ITFG1: variants seen among roughly 807,000 people sequenced by gnomAD.
ITFG1 encodes integrin alpha FG-GAP repeat containing 1, also known as T-cell immunomodulatory protein.
Under a neutral mutation model 81.8 loss-of-function variants are expected in ITFG1, and 34 were observed. The observed-to-expected ratio is 0.42, with a 90% CI of 0.32 to 0.55. ITFG1 has a LOEUF of 0.55. Among genes scored for constraint, ITFG1 ranks in the 20% least tolerant of loss-of-function variants. The probability of loss-of-function intolerance (pLI) is 0.17; values close to 1 mark genes in which losing one functional copy is unlikely to be tolerated. For missense variants in ITFG1, 672 were observed against 755.4 expected, an observed-to-expected ratio of 0.89 and a Z score of 1.29; for synonymous variants, 285 against 270.6, an observed-to-expected ratio of 1.05 and a Z score of -0.52.
chr16:47,329,922 T>G (rs1967614409), intron 8 of ITFG1, among the ~76,000 whole-genome samples: 1 of 152,068 alleles, frequency 6.6e-6, no homozygotes, highest in Non-Finnish European at 1.5e-5. Flanking sequence ...AATAAGACAC[T>G]CAGAAGTGTC....
rs1297263711 is a variant in ITFG1 at position 47,311,321 on chromosome 16, A to G, written c.989T>C (p.Ile330Thr). Residue 330 changes from isoleucine to threonine, a missense_variant, in exon 10 of 18, where the codon ATT (isoleucine) becomes ACT (threonine). Physicochemically the swap from Ile to Thr is moderately conservative, Grantham distance 89 (BLOSUM62 -1). Transcript: ENST00000320640. ...VDEQQPTEIP[I>T]PITLHIGDYN... The stretch of plus-strand genomic sequence containing the variant: ...GTCTCCAATATGAAGGGTAATTGGA[A>G]TTGGTATTTCAGTTGGTTGCTGTTC... The G allele has an allele frequency of 6.2e-7, 1 of 1,613,210 alleles. No homozygotes were observed. Among genetic ancestry groups the G allele is most frequent in the Non-Finnish European group, 8.5e-7 (1 of 1,179,322 alleles).
intron 6 of ITFG1, among the ~76,000 whole-genome samples, chr16:47,413,350 C>CT (rs1968834421): frequency 6.6e-6 from 1 of 152,154 alleles, no homozygotes; most frequent in Admixed American, 6.5e-5. Flanking sequence ...TACAAGAGTT[C>CT]TTTAAGGGAG....
chr16:47,323,958 TA>T (rs1939310661), intron 8 of ITFG1, among the ~76,000 whole-genome samples: 1 of 152,226 alleles, frequency 6.6e-6, no homozygotes, highest in South Asian at 2.1e-4. Context: ...GCTATTGTTT[TA>T]TATGAAGTAT....
At chr16:47,158,604 C>G (rs1051313744) in intron 17 of ITFG1, among the ~76,000 whole-genome samples, 1 of 152,044 alleles carries the variant, frequency 6.6e-6, no homozygotes, top group East Asian at 1.9e-4. Flanking sequence ...CTTTTGATTT[C>G]CGGTTGATCA....
chr16:47,164,814 A>G (rs1284824498), intron 14 of ITFG1, among the ~76,000 whole-genome samples: 1 of 152,270 alleles, frequency 6.6e-6, no homozygotes, highest in Non-Finnish European at 1.5e-5. Context: ...ATGCAGCTCC[A>G]AGGAGGTCAG....
chr16:47,217,142 A>G (rs555946662), intron 14 of ITFG1, among the ~76,000 whole-genome samples: 160 of 11,406 alleles, frequency 0.014, no homozygotes, highest in Non-Finnish European at 0.029. Flanking sequence ...GTATCATTAT[A>G]TGAAAAAAAA....
In ITFG1 at chr16:47,202,381, G is replaced by A. The variant is rs1466072549; in HGVS notation, c.1453+16487C>T. The A allele has an allele frequency of 5.9e-5, 9 of 152,224 alleles. No homozygotes were observed. The East Asian group carries it at 1.7e-3, about 29-fold the overall frequency. 9.4% of individuals were successfully genotyped at this position (152,224 alleles called of 1,614,324 possible). ...CACAACCTTGATAAACTCAGGATTG[G>A]TTTTCAGATTAGAAAACTAAATATT... On this transcript the variant is annotated intron_variant, in intron 14 of 17. Transcript: ENST00000320640.
chr16:47,414,547 AAAAC>A (rs1370427387), intron 6 of ITFG1, among the ~76,000 whole-genome samples: 7 of 148,562 alleles, frequency 4.7e-5, no homozygotes, highest in African/African-American at 1.8e-4. Context: ...CAAAAAACAA[AAAAC>A]AAACAACAAC....
At chr16:47,334,827 T>C (rs904271368) in intron 8 of ITFG1, among the ~76,000 whole-genome samples, 1 of 152,160 alleles carries the variant, frequency 6.6e-6, no homozygotes, top group Non-Finnish European at 1.5e-5. Flanking sequence ...TATAGTGTTC[T>C]GAGATGAGAA....
intron 14 of ITFG1, among the ~76,000 whole-genome samples, chr16:47,199,131 G>A (rs960185364): frequency 1.3e-5 from 2 of 151,890 alleles, no homozygotes; most frequent in African/African-American, 4.8e-5. Context: ...AAAATTACCC[G>A]GGCATCATGG....
chr16:47,189,653 T>C (rs1026906078), intron 14 of ITFG1, among the ~76,000 whole-genome samples: 1 of 152,238 alleles, frequency 6.6e-6, no homozygotes, highest in Non-Finnish European at 1.5e-5. Context: ...TGAATAATGC[T>C]GCTATGGACA....
intron 13 of ITFG1, among the ~76,000 whole-genome samples, chr16:47,223,392 A>G (rs1290628262): frequency 6.6e-6 from 1 of 152,250 alleles, no homozygotes; most frequent in East Asian, 1.9e-4. Context: ...TTTACAAGAA[A>G]AAAACAAACA....
chr16:47,456,985 C>G (rs1020985997), intron 2 of ITFG1, among the ~76,000 whole-genome samples: 8 of 152,038 alleles, frequency 5.3e-5, no homozygotes, highest in Non-Finnish European at 1.2e-4. Flanking sequence ...ACATAGAAAA[C>G]TATGCAATCT....
chr16:47,404,524 C>T (rs1968703915), intron 6 of ITFG1, among the ~76,000 whole-genome samples: 3 of 152,152 alleles, frequency 2.0e-5, no homozygotes, highest in Non-Finnish European at 4.4e-5. Context: ...AGCCCCTTTG[C>T]CACTCAATTC....
chr16:47,256,112 C>T (rs111483224), intron 12 of ITFG1, among the ~76,000 whole-genome samples: 265 of 152,112 alleles, frequency 1.7e-3, no homozygotes, highest in African/African-American at 6.1e-3. Context: ...TACAGTCACG[C>T]GTCACCACGC....
intron 14 of ITFG1, among the ~76,000 whole-genome samples, chr16:47,168,266 C>CT (rs768351300): frequency 3.1e-4 from 47 of 151,756 alleles, no homozygotes; most frequent in Admixed American, 5.9e-4. Context: ...TATAATTGGG[C>CT]TTTTTTTTGT....
At chr16:47,188,902 T>G (rs1244394476) in intron 14 of ITFG1, among the ~76,000 whole-genome samples, 1 of 152,098 alleles carries the variant, frequency 6.6e-6, no homozygotes, top group Non-Finnish European at 1.5e-5. Context: ...GTAGCTGGGA[T>G]TAGAAGTGTG....
At chr16:47,450,701 C>CT (rs1969377663) in intron 5 of ITFG1, among the ~76,000 whole-genome samples, 1 of 152,118 alleles carries the variant, frequency 6.6e-6, no homozygotes, top group Non-Finnish European at 1.5e-5. Flanking sequence ...GTTCTGTACT[C>CT]TTGAACTAAA....
intron 10 of ITFG1, among the ~76,000 whole-genome samples, chr16:47,308,118 G>A (rs1438367922): frequency 6.6e-6 from 1 of 152,212 alleles, no homozygotes; most frequent in African/African-American, 2.4e-5. Context: ...ACACGTGCAT[G>A]TGTCTTTTCG....
Sources: allele counts gnomAD v4.1 joint callset (sites outside exome capture counted in the v4.1 genomes callset), GRCh38; gene constraint gnomAD v4.1.1; transcripts MANE v1.5; gene names NCBI Gene and HGNC (gene_info 2026-07-23, HGNC 2026-07-21).